The following SLC24A2 variants were observed in gnomAD, a reference collection of about 807,000 sequenced individuals.
SLC24A2 encodes solute carrier family 24 member 2.
In SLC24A2, 36 loss-of-function variants were observed where a neutral mutation model predicts 62.0. The ratio of observed to expected loss-of-function variants is 0.58; its 90% CI spans 0.44 to 0.77. The LOEUF is 0.77. Ranked by LOEUF, SLC24A2 falls within the 30% of genes least tolerant of loss-of-function variation. SLC24A2 has a pLI of 0.00. For synonymous variants in SLC24A2, 358 were observed against 294.0 expected, an observed-to-expected ratio of 1.22 and a Z score of -2.23; for missense variants, 846 against 817.9, an observed-to-expected ratio of 1.03 and a Z score of -0.42.
chr9:20,230,098 G>A, the SLC24A2 span, among the ~76,000 whole-genome samples: 1 of 152,124 alleles, frequency 6.6e-6, no homozygotes, highest in East Asian at 1.9e-4. Flanking sequence ...ATTCCATGGT[G>A]TATATGTGCC....
the SLC24A2 span, among the ~76,000 whole-genome samples, chr9:20,109,520 C>T: frequency 6.6e-6 from 1 of 152,160 alleles, no homozygotes; most frequent in Admixed American, 6.5e-5. Context: ...ATGTGACCAG[C>T]CCCCAGTAAA....
At chr9:19,824,306 G>T in the SLC24A2 span, among the ~76,000 whole-genome samples, 239 of 151,992 alleles carry the variant, frequency 1.6e-3, 2 homozygotes, top group African/African-American at 5.5e-3. Context: ...GAATCTACAA[G>T]GAACTCAAAC....
chr9:19,965,160 A>T, the SLC24A2 span, among the ~76,000 whole-genome samples: 2 of 152,226 alleles, frequency 1.3e-5, no homozygotes, highest in Admixed American at 1.3e-4. Context: ...AAAAGGTAGA[A>T]GTAATACCAT....
the SLC24A2 span, among the ~76,000 whole-genome samples, chr9:20,079,533 A>G: frequency 6.6e-6 from 1 of 152,210 alleles, no homozygotes; most frequent in Admixed American, 6.5e-5. Flanking sequence ...CATTGGCCAC[A>G]AAAATATTAA....
the SLC24A2 span, among the ~76,000 whole-genome samples, chr9:20,019,047 G>C: frequency 6.7e-6 from 1 of 149,920 alleles, no homozygotes; most frequent in African/African-American, 2.5e-5. Flanking sequence ...CTGGAACACA[G>C]AGGGAGACTC....
the SLC24A2 span, among the ~76,000 whole-genome samples, chr9:20,103,418 C>A: frequency 6.6e-6 from 1 of 152,328 alleles, no homozygotes; most frequent in African/African-American, 2.4e-5. Flanking sequence ...TGACCCCTGA[C>A]CCCCGAGCAG....
the SLC24A2 span, among the ~76,000 whole-genome samples, chr9:19,900,698 C>G: frequency 6.6e-6 from 1 of 152,170 alleles, no homozygotes; most frequent in African/African-American, 2.4e-5. Context: ...GAAATGCAAG[C>G]AATTCTTACA....
At chr9:19,750,882 T>C (rs1252615683) in intron 2 of SLC24A2, among the ~76,000 whole-genome samples, 1 of 152,150 alleles carries the variant, frequency 6.6e-6, no homozygotes, top group East Asian at 1.9e-4. Context: ...GTACCTGGAA[T>C]GTCCTCTGCC....
chr9:20,093,284 C>G, the SLC24A2 span, among the ~76,000 whole-genome samples: 24 of 152,102 alleles, frequency 1.6e-4, no homozygotes, highest in African/African-American at 5.8e-4. Context: ...GTCAGTCAGG[C>G]TGGTCTCGAA....
chr9:19,731,785 C>T (rs1053037492), intron 2 of SLC24A2, among the ~76,000 whole-genome samples: 40 of 152,132 alleles, frequency 2.6e-4, no homozygotes, highest in African/African-American at 9.4e-4. Context: ...GGGTTGACAC[C>T]AAATAAATGG....
At chr9:20,206,777 C>G in the SLC24A2 span, among the ~76,000 whole-genome samples, 1 of 152,050 alleles carries the variant, frequency 6.6e-6, no homozygotes, top group Non-Finnish European at 1.5e-5. Context: ...CTTCGCCTGG[C>G]CGCTTTATTA....
At chr9:19,870,396 A>G in the SLC24A2 span, among the ~76,000 whole-genome samples, 2 of 152,200 alleles carry the variant, frequency 1.3e-5, no homozygotes, top group Non-Finnish European at 2.9e-5. Context: ...GTACAGATAT[A>G]CCACATCTTG....
chr9:20,035,281 A>G, the SLC24A2 span, among the ~76,000 whole-genome samples: 50,442 of 152,034 alleles, frequency 0.33, 9,597 homozygotes, highest in East Asian at 0.86. Context: ...TAAATAAGAC[A>G]ATACTTGTAA....
Position 19,786,829 on chromosome 9 carries a change from T to C in SLC24A2, c.38A>G (p.Glu13Gly). The change falls in exon 2 of 11, where the codon GAG becomes GGG. Residue 13 changes from glutamate (E) to glycine (G), a missense_variant. Physicochemically the swap from Glu to Gly is moderately conservative, Grantham distance 98. Coordinates refer to ENST00000341998, the MANE Select transcript of SLC24A2 (RefSeq NM_020344.4). This position sits in a 1 kb window ranked among gnomAD's most constrained non-coding sequence, Gnocchi z 5.0. ...CAGTGACTCATCCAAACACCATTTCTCTAGGGAAGTGATGGTGGTGCTTTG... is the reference window on the plus strand; with the variant it reads ...CAGTGACTCATCCAAACACCATTTCCCTAGGGAAGTGATGGTGGTGCTTTG... ...LQQSTTITSLEKWCLDESLSG... is the reference protein window; with the variant it reads ...LQQSTTITSLGKWCLDESLSG... The C allele has an allele frequency of 2.5e-6, 4 of 1,612,416 alleles. No homozygotes were observed. The highest frequency in any genetic ancestry group is 2.5e-6 in the Non-Finnish European group (3 of 1,179,762).
the SLC24A2 span, among the ~76,000 whole-genome samples, chr9:19,888,707 C>T: frequency 6.6e-6 from 1 of 152,092 alleles, no homozygotes; most frequent in Admixed American, 6.6e-5. Context: ...GGAAGCTGAA[C>T]CACTCTAGGT....
At chr9:20,276,591 C>T in the SLC24A2 span, among the ~76,000 whole-genome samples, 10 of 152,244 alleles carry the variant, frequency 6.6e-5, no homozygotes, top group Non-Finnish European at 2.9e-5. Flanking sequence ...CTTCTCACTG[C>T]TCCACTGGGG....
chr9:19,870,423 G>A, the SLC24A2 span, among the ~76,000 whole-genome samples: 1 of 151,996 alleles, frequency 6.6e-6, no homozygotes, highest in Non-Finnish European at 1.5e-5. Context: ...GATTCATTTA[G>A]GTTATTTCTA....
chr9:19,882,687 A>C, the SLC24A2 span, among the ~76,000 whole-genome samples: 1 of 152,008 alleles, frequency 6.6e-6, no homozygotes. Context: ...AAAATAGAGA[A>C]TAGGTTTCCA....
In SLC24A2 at chr9:19,513,153, G is replaced by GATAGAT. The variant is rs1554665663; in HGVS notation, c.*2999_*3000insATCTAT. 1.2e-5 allele frequency: 1 copy of GATAGAT among 80,594 alleles called. No individual in the cohort carries two copies. The highest frequency in any genetic ancestry group is 2.5e-5 in the Non-Finnish European group (1 of 40,262). The allele number at this position is 80,594 out of a possible 1,614,324, so 5.0% of individuals were successfully genotyped here. A position where few individuals can be genotyped will look rare whatever the true frequency, so the allele number is the denominator to read the frequency against. On this transcript the variant is annotated 3_prime_UTR_variant, in exon 11 of 11. Coordinates refer to ENST00000341998, the MANE Select transcript of SLC24A2 (RefSeq NM_020344.4). ...TGTGTACATATAGATCTGGTATAAA[G>GATAGAT]ATATATATATATATATATATATGTA...
Sources: gnomAD v4.1 joint callset for allele counts (sites outside exome capture counted in the v4.1 genomes callset) on GRCh38, gnomAD v4.1.1 for gene constraint, Gnocchi (gnomAD v3.1) non-coding constraint, MANE v1.5 for transcripts, NCBI Gene and HGNC (gene_info 2026-07-23, HGNC 2026-07-21) for gene names.